WWOX: variants seen among roughly 807,000 people sequenced by gnomAD.
The protein encoded by WWOX is WW domain-containing oxidoreductase.
Under a neutral mutation model 46.2 loss-of-function variants are expected in WWOX, and 69 were observed. The ratio of observed to expected loss-of-function variants is 1.49; its 90% CI spans 1.23 to 1.82. The LOEUF (loss-of-function observed/expected upper bound fraction) is 1.82. Among genes scored for constraint, WWOX ranks in the 40% most tolerant of loss-of-function variants. WWOX has a pLI of 0.00. For synonymous variants in WWOX, 359 were observed against 202.6 expected (o/e 1.77, Z -6.56); for missense variants, 919 against 542.6 (o/e 1.69, Z -6.89).
intron 8 of WWOX, among the ~76,000 whole-genome samples, chr16:78,905,837 A>G (rs921668610): frequency 6.6e-6 from 1 of 152,210 alleles, no homozygotes; most frequent in African/African-American, 2.4e-5. Flanking sequence ...TTCAAATGCT[A>G]GTTGCATCAA....
intron 8 of WWOX, among the ~76,000 whole-genome samples, chr16:78,806,860 A>C (rs1449634503): frequency 6.6e-6 from 1 of 152,208 alleles, no homozygotes; most frequent in Non-Finnish European, 1.5e-5. Context: ...AGTCTGCCAC[A>C]TAAGCAAACA....
At position 78,350,180 on chromosome 16, in the gene WWOX, A is replaced by G. The variant is rs565561342; in HGVS notation, c.517-36680A>G. ...AATCCACAATCTCATCAGAGTCCCAATAGTTGCCTGATATGTCTCCATCAG... is the reference window on the plus strand; with the variant it reads ...AATCCACAATCTCATCAGAGTCCCAGTAGTTGCCTGATATGTCTCCATCAG... On this transcript the variant is annotated intron_variant, in intron 5 of 8. Coordinates refer to ENST00000566780, the MANE Select transcript of WWOX (RefSeq NM_016373.4). Among the ~76,000 whole-genome samples the G allele has an allele frequency of 5.0e-5, 6 of 121,186 alleles. 2 individuals are homozygous for G. Among genetic ancestry groups the G allele is most frequent in the East Asian group, 3.9e-4 (2 of 5,170 alleles). The allele number at this position is 121,186 out of a possible 152,430, so 79.5% of individuals were successfully genotyped here.
chr16:78,925,520 A>G (rs1340349330), intron 8 of WWOX, among the ~76,000 whole-genome samples: 6 of 152,174 alleles, frequency 3.9e-5, no homozygotes, highest in African/African-American at 1.4e-4. Flanking sequence ...GAACTCGCTT[A>G]TGTGTGTTGT....
intron 8 of WWOX, among the ~76,000 whole-genome samples, chr16:78,527,720 C>T (rs1447123358): frequency 3.2e-5 from 1 of 31,340 alleles, no homozygotes; most frequent in East Asian, 2.6e-3. Context: ...ATGGTAGCCT[C>T]ATGAACAGGT....
intron 8 of WWOX, among the ~76,000 whole-genome samples, chr16:78,900,906 C>T (rs975059422): frequency 6.6e-6 from 1 of 150,722 alleles, no homozygotes; most frequent in South Asian, 2.1e-4. Context: ...AATACAGATT[C>T]ATCCCATATT....
chr16:78,992,636 C>T (rs1025924928), intron 8 of WWOX, among the ~76,000 whole-genome samples: 1 of 152,130 alleles, frequency 6.6e-6, no homozygotes, highest in Non-Finnish European at 1.5e-5. Context: ...CCCATGATCC[C>T]ATCTTAATGT....
At chr16:78,474,673 C>T (rs572690498) in intron 8 of WWOX, among the ~76,000 whole-genome samples, 5 of 152,078 alleles carry the variant, frequency 3.3e-5, no homozygotes, top group African/African-American at 1.2e-4. Flanking sequence ...ACCATTGCCA[C>T]AGTCAGTTTT....
intron 8 of WWOX, among the ~76,000 whole-genome samples, chr16:78,483,547 G>A (rs567804380): frequency 6.6e-6 from 1 of 151,930 alleles, no homozygotes; most frequent in South Asian, 2.1e-4. Context: ...AACAGAACCG[G>A]CCTTTCCCAG....
chr16:78,453,438 AT>A lies in WWOX; in HGVS notation c.1056+20689del, dbSNP rs138257461. Among the ~76,000 whole-genome samples the A allele has an allele frequency of 6.7e-3, 890 of 132,600 alleles. 29 individuals are homozygous for A. In the East Asian group the frequency reaches 0.13, roughly 19 times the overall value. 87.0% of individuals were successfully genotyped at this position (132,600 alleles called of 152,430 possible). On this transcript the variant is annotated intron_variant, in intron 8 of 8. Coordinates refer to ENST00000566780, the MANE Select transcript of WWOX (RefSeq NM_016373.4). ...ACTATGTCTCAAAAAAAAAAAAAAA[AT>A]TTCTTATTCAGTTGATTTAAGATGG...
intron 8 of WWOX, among the ~76,000 whole-genome samples, chr16:78,842,838 G>C (rs188484552): frequency 7.4e-6 from 1 of 135,558 alleles, no homozygotes; most frequent in Admixed American, 7.4e-5. Flanking sequence ...GGGTGACAGA[G>C]TGAGACCCTA....
At chr16:78,146,659 C>T (rs368190995) in intron 4 of WWOX, among the ~76,000 whole-genome samples, 1 of 152,174 alleles carries the variant, frequency 6.6e-6, no homozygotes. Context: ...CCAGCTCTCC[C>T]TTCTGAGTGT....
At chr16:78,280,085 T>TA (rs2151853646) in intron 5 of WWOX, among the ~76,000 whole-genome samples, 1 of 152,376 alleles carries the variant, frequency 6.6e-6, no homozygotes, top group Admixed American at 6.5e-5. Context: ...TCCAGGCAGT[T>TA]ACAGCTAATC....
chr16:78,864,078 G>A (rs1485413135), intron 8 of WWOX, among the ~76,000 whole-genome samples: 1 of 151,994 alleles, frequency 6.6e-6, no homozygotes, highest in Non-Finnish European at 1.5e-5. Context: ...AGTTTTTGTT[G>A]GAACACCTAT....
chr16:78,497,731 G>A (rs555255473), intron 8 of WWOX, among the ~76,000 whole-genome samples: 1 of 152,270 alleles, frequency 6.6e-6, no homozygotes, highest in African/African-American at 2.4e-5. Context: ...TGGACTCTCA[G>A]CAGGACATTA....
chr16:78,687,312 C>G (rs2047885499), intron 8 of WWOX, among the ~76,000 whole-genome samples: 1 of 152,194 alleles, frequency 6.6e-6, no homozygotes, highest in South Asian at 2.1e-4. Flanking sequence ...AAAATCTCAT[C>G]AAATTACATT....
chr16:78,319,086 G>A (rs531266462), intron 5 of WWOX, among the ~76,000 whole-genome samples: 1 of 152,152 alleles, frequency 6.6e-6, no homozygotes. Context: ...ATTCCTAAAA[G>A]GGGGAGAGAG....
intron 8 of WWOX, among the ~76,000 whole-genome samples, chr16:78,838,898 C>G (rs572326371): frequency 6.6e-6 from 1 of 151,968 alleles, no homozygotes; most frequent in African/African-American, 2.4e-5. Context: ...TTGCCAGGGA[C>G]TGGAGAGGAG....
At chr16:78,336,458 A>T (rs1283086957) in intron 5 of WWOX, among the ~76,000 whole-genome samples, 2 of 145,584 alleles carry the variant, frequency 1.4e-5, no homozygotes, top group Non-Finnish European at 3.0e-5. Flanking sequence ...GTGAGCCAAG[A>T]TCTCACCACT....
rs149714199 is a variant in WWOX at position 78,587,931 on chromosome 16, C to T, written c.1056+155179C>T. On this transcript the variant is annotated intron_variant, in intron 8 of 8. Transcript: ENST00000566780. ...TGGTTATGTAAATCAAGCGGGCCTC[C>T]CCATTGGAAATGATGGCAGTGGTTA... is the stretch of plus-strand genomic sequence containing the variant. Among the ~76,000 whole-genome samples, 111 of 152,292 alleles carry T rather than the reference C, an allele frequency of 7.3e-4. No homozygotes were observed. In the East Asian group the frequency reaches 0.019, roughly 26 times the overall value.
Sources: allele counts gnomAD v4.1 joint callset (sites outside exome capture counted in the v4.1 genomes callset), GRCh38; gene constraint gnomAD v4.1.1; transcripts MANE v1.5; gene names NCBI Gene and HGNC (gene_info 2026-07-23, HGNC 2026-07-21).